ZCCHC14: variants seen among roughly 807,000 people sequenced by gnomAD.
The protein encoded by ZCCHC14 is zinc finger CCHC domain-containing protein 14.
Under a neutral mutation model 85.0 loss-of-function variants are expected in ZCCHC14, and 16 were observed. That is an observed-to-expected ratio of 0.19 (90% CI 0.13 to 0.29). ZCCHC14 has a LOEUF of 0.29. Ranked by LOEUF, ZCCHC14 falls within the 10% of genes least tolerant of loss-of-function variation. ZCCHC14 has a pLI of 1.00. For missense variants in ZCCHC14, 1,303 were observed against 1,443.5 expected (o/e 0.90, Z 1.58); for synonymous variants, 775 against 630.7 (o/e 1.23, Z -3.43).
Position 87,487,242 on chromosome 16 carries a change from A to C in ZCCHC14, c.570+4427T>G, listed in dbSNP as rs73242750. Reference sequence around the variant, plus strand: ...GTTCCACAGAACCTACCCCTAAAGAAGACCACCACCCCACCACACTCCTGC... The same window carrying C: ...GTTCCACAGAACCTACCCCTAAAGACGACCACCACCCCACCACACTCCTGC... On this transcript the variant is annotated intron_variant, in intron 1 of 12. Transcript: ENST00000671377. Among the ~76,000 whole-genome samples, 459 of 152,310 alleles carry C rather than the reference A, an allele frequency of 3.0e-3. 2 individuals are homozygous for C. Among genetic ancestry groups the C allele is most frequent in the African/African-American group, 0.01 (436 of 41,566 alleles).
intron 2 of ZCCHC14, among the ~76,000 whole-genome samples, chr16:87,434,589 C>A (rs1212174970): frequency 6.6e-6 from 1 of 152,228 alleles, no homozygotes; most frequent in Admixed American, 6.5e-5. Flanking sequence ...TTCCTGCAGG[C>A]ACCCAAAGAC....
chr16:87,461,829 C>T (rs1482218416), intron 1 of ZCCHC14, among the ~76,000 whole-genome samples: 1 of 152,258 alleles, frequency 6.6e-6, no homozygotes, highest in Non-Finnish European at 1.5e-5. Context: ...GATCCCAGCT[C>T]TGTCAATGCC....
At chr16:87,485,442 C>T (rs1912471284) in intron 1 of ZCCHC14, among the ~76,000 whole-genome samples, 1 of 152,044 alleles carries the variant, frequency 6.6e-6, no homozygotes, top group African/African-American at 2.4e-5. Context: ...AAAAAAATTA[C>T]CTTGCTAAAA....
chr16:87,422,367 G>A (rs1369398842), intron 4 of ZCCHC14, among the ~76,000 whole-genome samples: 2 of 152,128 alleles, frequency 1.3e-5, no homozygotes, highest in African/African-American at 4.8e-5. Context: ...GGCTCGTGCC[G>A]CCAGAGTCCA....
At chr16:87,451,057 C>T (rs1387333781) in intron 2 of ZCCHC14, among the ~76,000 whole-genome samples, 1 of 150,652 alleles carries the variant, frequency 6.6e-6, no homozygotes, top group African/African-American at 2.4e-5. Context: ...TGCCACCATG[C>T]CCGGCTAATT....
chr16:87,411,900 C>T lies in ZCCHC14; in HGVS notation c.2821G>A (p.Val941Ile). ...TGCTGGAAGTAGTTGGCGTAGCTGA[C>T]AGTCAGGCCACTCGAGCCGCAGCTG... Reference protein sequence around the residue: ...SGSCGSSGLTVSYANYFQHPF... With the variant: ...SGSCGSSGLTISYANYFQHPF... The change falls in exon 12 of 13, where the codon GTC becomes ATC. Residue 941 changes from valine (V) to isoleucine (I), a missense_variant. Transcript: ENST00000671377. 1.3e-6 allele frequency: 2 copies of T among 1,594,272 alleles called. No homozygotes were observed. Among genetic ancestry groups the T allele is most frequent in the South Asian group, 2.2e-5 (2 of 89,190 alleles).
intron 1 of ZCCHC14, among the ~76,000 whole-genome samples, chr16:87,461,699 G>A (rs1328307550): frequency 1.3e-5 from 2 of 152,196 alleles, no homozygotes; most frequent in African/African-American, 2.4e-5. Context: ...AAGTGGAGGC[G>A]GAAGCTGGAG....
At chr16:87,467,045 GTT>G (rs11313580) in intron 1 of ZCCHC14, 26,446 of 276,974 alleles carry the variant, frequency 0.095, 9 homozygotes, top group South Asian at 0.13. Flanking sequence ...AAAAAAAATT[GTT>G]TTTTTTTTTT....
At chr16:87,464,302 T>C (rs771182677) in intron 1 of ZCCHC14, among the ~76,000 whole-genome samples, 24 of 151,996 alleles carry the variant, frequency 1.6e-4, no homozygotes, top group Non-Finnish European at 3.1e-4. Context: ...CATCCCACAC[T>C]CCCCACCAAA....
At chr16:87,442,334 C>T (rs926667691) in intron 2 of ZCCHC14, among the ~76,000 whole-genome samples, 3 of 152,170 alleles carry the variant, frequency 2.0e-5, no homozygotes, top group African/African-American at 4.8e-5. Context: ...TCAACTGCAC[C>T]AAACCAAAAG....
At chr16:87,432,033 T>C (rs75789928) in intron 3 of ZCCHC14, among the ~76,000 whole-genome samples, 1 of 152,174 alleles carries the variant, frequency 6.6e-6, no homozygotes, top group African/African-American at 2.4e-5. Context: ...CCAAACCAAG[T>C]GGAGACTTGT....
Position 87,407,692 on chromosome 16 carries a change from AT to A in ZCCHC14, c.*2587del, listed in dbSNP as rs1908263049. The A allele has an allele frequency of 6.6e-6, 1 of 152,260 alleles. No homozygotes were observed. The highest frequency in any genetic ancestry group is 1.5e-5 in the Non-Finnish European group (1 of 68,046). The allele number at this position is 152,260 out of a possible 1,614,324, so 9.4% of individuals were successfully genotyped here. On this transcript the variant is annotated 3_prime_UTR_variant, in exon 13 of 13. Coordinates refer to ENST00000671377, the MANE Select transcript of ZCCHC14 (RefSeq NM_015144.3). Reference sequence around the variant, plus strand: ...GCCACACCTACCTGGTTGCCACAGCATTCTGAAACAGACCACACTTTCAGGA... The same window carrying A: ...GCCACACCTACCTGGTTGCCACAGCATCTGAAACAGACCACACTTTCAGGA...
chr16:87,478,887 G>C (rs955551117), intron 1 of ZCCHC14, among the ~76,000 whole-genome samples: 1 of 152,010 alleles, frequency 6.6e-6, no homozygotes, highest in South Asian at 2.1e-4. Context: ...TTACAGGCGT[G>C]AGCCACCGCA....
intron 2 of ZCCHC14, among the ~76,000 whole-genome samples, chr16:87,442,647 T>C (rs1157863545): frequency 6.6e-6 from 1 of 152,206 alleles, no homozygotes; most frequent in African/African-American, 2.4e-5. Context: ...CATAAGCCTA[T>C]GCATAAGAAG....
At chr16:87,441,393 G>A (rs1295516212) in intron 2 of ZCCHC14, among the ~76,000 whole-genome samples, 1 of 152,170 alleles carries the variant, frequency 6.6e-6, no homozygotes, top group Non-Finnish European at 1.5e-5. Context: ...GGGGTCAGAA[G>A]AAGTATTTAT....
chr16:87,448,957 A>G (rs752945632), intron 2 of ZCCHC14, among the ~76,000 whole-genome samples: 2 of 152,224 alleles, frequency 1.3e-5, no homozygotes, highest in Non-Finnish European at 2.9e-5. Flanking sequence ...GACATCAGAA[A>G]GAGGCAGAAG....
intron 2 of ZCCHC14, among the ~76,000 whole-genome samples, chr16:87,459,645 G>C (rs1333477387): frequency 6.6e-6 from 1 of 152,034 alleles, no homozygotes; most frequent in Non-Finnish European, 1.5e-5. Flanking sequence ...GAGTAGCTGG[G>C]ATTACAGATG....
rs961287808 is a variant in ZCCHC14 at position 87,408,745 on chromosome 16, G to A, written c.*1535C>T. The A allele has an allele frequency of 2.0e-5, 3 of 152,352 alleles. No homozygotes were observed. Among genetic ancestry groups the A allele is most frequent in the East Asian group, 1.9e-4 (1 of 5,204 alleles). 9.4% of individuals were successfully genotyped at this position (152,352 alleles called of 1,614,324 possible). On this transcript the variant is annotated 3_prime_UTR_variant, in exon 13 of 13. Transcript: ENST00000671377. ...TTAGGAACTGCTCTTCAAATTGAAC[G>A]CTCACATCACAAGGCCTCATTCTAG... is the stretch of plus-strand genomic sequence containing the variant.
intron 1 of ZCCHC14, among the ~76,000 whole-genome samples, chr16:87,476,369 G>A (rs367624480): frequency 6.6e-5 from 10 of 152,176 alleles, no homozygotes; most frequent in Non-Finnish European, 1.0e-4. Flanking sequence ...TATTTTCCTC[G>A]TAATTTTTTT....
Sources: allele counts gnomAD v4.1 joint callset (sites outside exome capture counted in the v4.1 genomes callset), GRCh38; gene constraint gnomAD v4.1.1; transcripts MANE v1.5; gene names NCBI Gene and HGNC (gene_info 2026-07-23, HGNC 2026-07-21).